CASS4: variants seen among roughly 807,000 people sequenced by gnomAD.
The protein encoded by CASS4 is cas scaffolding protein family member 4.
A neutral mutation model predicts 54.2 loss-of-function variants in CASS4; 22 were observed. That is an observed-to-expected ratio of 0.41 (90% CI 0.29 to 0.58). The LOEUF (loss-of-function observed/expected upper bound fraction) is 0.58. CASS4 is among the 20% of genes least tolerant of loss of function. The pLI is 0.36. For missense variants in CASS4, 854 were observed against 986.7 expected (o/e 0.87, Z 1.80); for synonymous variants, 409 against 391.5 (o/e 1.04, Z -0.53).
intron 1 of CASS4, among the ~76,000 whole-genome samples, chr20:56,435,139 C>T (rs1487973814): frequency 6.6e-6 from 1 of 152,110 alleles, no homozygotes; most frequent in Non-Finnish European, 1.5e-5. Flanking sequence ...TTTAGATAGA[C>T]TTGTAGTAGT....
At chr20:56,419,999 C>T (rs1322795375) in intron 1 of CASS4, among the ~76,000 whole-genome samples, 1 of 152,092 alleles carries the variant, frequency 6.6e-6, no homozygotes, top group East Asian at 1.9e-4. Context: ...GCCGAAATCA[C>T]GCCATTGCAC....
chr20:56,440,875 C>G lies in CASS4; in HGVS notation c.459+3289C>G, dbSNP rs189197922. Among the ~76,000 whole-genome samples, 3 of 152,268 alleles carry G rather than the reference C, an allele frequency of 2.0e-5. No individual in the cohort carries two copies. In the East Asian group the frequency reaches 5.8e-4, roughly 29 times the overall value. ...CTTGAGGTGGCCACAGTAAAACCCCCCAGGGGAATTTCCTGCCTTGTTTTC... is the reference window on the plus strand; with the variant it reads ...CTTGAGGTGGCCACAGTAAAACCCCGCAGGGGAATTTCCTGCCTTGTTTTC... On this transcript the variant is annotated intron_variant, in intron 2 of 5. Coordinates refer to ENST00000679887, the MANE Select transcript of CASS4 (RefSeq NM_020356.4).
intron 1 of CASS4, among the ~76,000 whole-genome samples, chr20:56,415,798 C>T (rs1056917187): frequency 6.6e-6 from 1 of 152,236 alleles, no homozygotes; most frequent in Non-Finnish European, 1.5e-5. Context: ...CTAATTCTAC[C>T]TGCTGGCCAG....
chr20:56,458,456 T>C lies in CASS4; in HGVS notation c.2070T>C (p.Phe690=). 2 of 1,614,192 alleles carry C rather than the reference T, an allele frequency of 1.2e-6. No homozygotes were observed. Among genetic ancestry groups the C allele is most frequent in the Non-Finnish European group, 1.7e-6 (2 of 1,180,054 alleles). Residue 690 remains phenylalanine, a synonymous_variant, in exon 6 of 6, where the codon TTT becomes TTC. Transcript: ENST00000679887. The part of the protein sequence containing the change: ...FGALFKAISA[F]HGSLSSSQPA... ...CGCTCTTCAAAGCCATCAGCGCATTTCACGGCAGCCTCAGCAGCAGCCAGC... is the reference window on the plus strand; with the variant it reads ...CGCTCTTCAAAGCCATCAGCGCATTCCACGGCAGCCTCAGCAGCAGCCAGC...
chr20:56,419,366 A>G (rs1384697452), intron 1 of CASS4, among the ~76,000 whole-genome samples: 1 of 152,166 alleles, frequency 6.6e-6, no homozygotes, highest in Non-Finnish European at 1.5e-5. Context: ...AGCATAGTCG[A>G]CACTGAGAAG....
At chr20:56,445,046 T>C (rs1207097233) in intron 2 of CASS4, among the ~76,000 whole-genome samples, 8 of 151,450 alleles carry the variant, frequency 5.3e-5, no homozygotes, top group Admixed American at 5.3e-4. Context: ...GGAGGCGGAG[T>C]TTGCAGTGAG....
chr20:56,457,996 T>C (rs4811696), intron 5 of CASS4, among the ~76,000 whole-genome samples: 57,438 of 117,502 alleles, frequency 0.49, 12,371 homozygotes, highest in East Asian at 0.93. Context: ...GCCTGGAAGA[T>C]AAAGGAAAAC....
intron 2 of CASS4, among the ~76,000 whole-genome samples, 182 bp from the exon 3 acceptor site, chr20:56,445,718 G>A (rs563695325): frequency 4.6e-5 from 7 of 152,156 alleles, no homozygotes; most frequent in Non-Finnish European, 1.0e-4. Context: ...TGCCTCCACC[G>A]GGGAGCCTCC....
At chr20:56,456,053 C>T (rs188283545) in intron 5 of CASS4, among the ~76,000 whole-genome samples, 58 of 147,024 alleles carry the variant, frequency 3.9e-4, no homozygotes, top group African/African-American at 1.3e-3. Context: ...TTGCAGGTGA[C>T]GTTGATGCTT....
rs1979835018 is a variant in CASS4, at chr20:56,430,110, T to C, written c.37-7054T>C. Among the ~76,000 whole-genome samples the C allele has an allele frequency of 6.6e-6, 1 of 152,184 alleles. No homozygotes were observed. The highest frequency in any genetic ancestry group is 2.4e-5 in the African/African-American group (1 of 41,434). On this transcript the variant is annotated intron_variant, in intron 1 of 5. Coordinates refer to ENST00000679887, the MANE Select transcript of CASS4 (RefSeq NM_020356.4). This position sits in a 1 kb window ranked among gnomAD's most constrained non-coding sequence, Gnocchi z 4.2. ...CAATCTTGGTGAATGAATGAATGAA[T>C]GAATTGCTCCCCAGATTTCTCCAAG...
At chr20:56,415,531 C>T (rs1054720182) in intron 1 of CASS4, among the ~76,000 whole-genome samples, 1 of 152,250 alleles carries the variant, frequency 6.6e-6, no homozygotes, top group Non-Finnish European at 1.5e-5. Flanking sequence ...ACTACCAATA[C>T]GTACTGGTGT....
At chr20:56,429,670 A>G (rs1031773018) in intron 1 of CASS4, among the ~76,000 whole-genome samples, 3 of 151,736 alleles carry the variant, frequency 2.0e-5, no homozygotes, top group Non-Finnish European at 4.4e-5. Context: ...CGGCCTCCAC[A>G]CATTCCTCTT....
rs1243492911 is a variant in CASS4 at position 56,458,784 on chromosome 20, C to T, written c.*37C>T. On this transcript the variant is annotated 3_prime_UTR_variant, in exon 6 of 6. Transcript: ENST00000679887. Reference sequence around the variant, plus strand: ...CTCCCTTCCTCCTCTGCTCACCTCTCAGCTTCACACCCACAACTTGTGCAA... The same window carrying T: ...CTCCCTTCCTCCTCTGCTCACCTCTTAGCTTCACACCCACAACTTGTGCAA... 6.5e-7 allele frequency: 1 copy of T among 1,528,288 alleles called. No individual in the cohort carries two copies. Among genetic ancestry groups the T allele is most frequent in the Admixed American group, 1.9e-5 (1 of 51,490 alleles). The allele number at this position is 1,528,288 out of a possible 1,614,324, so 94.7% of individuals were successfully genotyped here. A position where few individuals can be genotyped will look rare whatever the true frequency, so the allele number is the denominator to read the frequency against.
At chr20:56,443,656 G>GGAT (rs1290952448) in intron 2 of CASS4, among the ~76,000 whole-genome samples, 1 of 152,028 alleles carries the variant, frequency 6.6e-6, no homozygotes, top group African/African-American at 2.4e-5. Flanking sequence ...CATCGTGATG[G>GGAT]GATGGGGAAA....
Position 56,452,194 on chromosome 20 carries a change from G to A in CASS4, c.1018G>A (p.Val340Met), listed in dbSNP as rs144494485. 1 of 1,614,048 alleles carries A rather than the reference G, an allele frequency of 6.2e-7. No homozygotes were observed. Among genetic ancestry groups the A allele is most frequent in the Non-Finnish European group, 8.5e-7 (1 of 1,180,048 alleles). Residue 340 changes from valine (V) to methionine (M), a missense_variant, in exon 5 of 6, where the codon GTG (valine) becomes ATG (methionine). Coordinates refer to ENST00000679887, the MANE Select transcript of CASS4 (RefSeq NM_020356.4). ...TCCTTCAAGCTTTCTGATTCCCCGA[G>A]TGGAACAGCAGAACACCAAGCCCAA... ...KVPSSFLIPR[V>M]EQQNTKPNIY...
Position 56,458,629 on chromosome 20 carries a change from C to T in CASS4, c.2243C>T (p.Ala748Val). The change falls in exon 6 of 6, where the codon GCG becomes GTG. Residue 748 changes from alanine to valine, a missense_variant. Transcript: ENST00000679887. ...CTCTGCAGCCTGCTCAAGGACGTAG[C>T]GCTGGCCACTAAGAATGCCGTGCTC... ...SHLCSLLKDVALATKNAVLTY... is the reference protein window; with the variant it reads ...SHLCSLLKDVVLATKNAVLTY... 3 of 1,613,842 alleles carry T rather than the reference C, an allele frequency of 1.9e-6. No individual in the cohort carries two copies. The highest frequency in any genetic ancestry group is 2.5e-6 in the Non-Finnish European group (3 of 1,179,954).
rs144898792 is a variant in CASS4 at position 56,437,760 on chromosome 20, G to A, written c.459+174G>A. ...GCCAGGTTGGGATGGAGAACTCAGC[G>A]GCCTCCACCCCCTTGTCGTTGACAC... On this transcript the variant is annotated intron_variant, in intron 2 of 5. Coordinates refer to ENST00000679887, the MANE Select transcript of CASS4 (RefSeq NM_020356.4). This position sits in a 1 kb window ranked among gnomAD's most constrained non-coding sequence, Gnocchi z 4.7. Among the ~76,000 whole-genome samples, 4 of 152,248 alleles carry A rather than the reference G, an allele frequency of 2.6e-5. No individual in the cohort carries two copies. Among genetic ancestry groups the A allele is most frequent in the African/African-American group, 7.2e-5 (3 of 41,540 alleles).
intron 2 of CASS4, among the ~76,000 whole-genome samples, chr20:56,445,125 T>A (rs1307261996): frequency 1.3e-5 from 2 of 150,704 alleles, no homozygotes; most frequent in Non-Finnish European, 3.0e-5. Flanking sequence ...AAAAAAAAGG[T>A]TTATATGTAT....
At chr20:56,436,360 G>GTGTGTA (rs560837211) in intron 1 of CASS4, among the ~76,000 whole-genome samples, 2,051 of 137,806 alleles carry the variant, frequency 0.015, 32 homozygotes, top group South Asian at 0.025. Flanking sequence ...GTGTGTGTGT[G>GTGTGTA]TATATATATA....
Sources: allele counts gnomAD v4.1 joint callset (sites outside exome capture counted in the v4.1 genomes callset), GRCh38; gene constraint gnomAD v4.1.1; non-coding constraint Gnocchi (gnomAD v3.1); transcripts MANE v1.5; gene names NCBI Gene and HGNC (gene_info 2026-07-23, HGNC 2026-07-21).